The following SGCD variants were observed in gnomAD, a reference collection of about 807,000 sequenced individuals.
SGCD encodes the protein sarcoglycan delta, also known as delta-sarcoglycan.
Under a neutral mutation model 36.6 loss-of-function variants are expected in SGCD, and 18 were observed. The ratio of observed to expected loss-of-function variants is 0.49; its 90% confidence interval spans 0.34 to 0.73. SGCD has a LOEUF of 0.73. SGCD is among the 30% of genes least tolerant of loss of function. The pLI is 0.01. For missense variants in SGCD, 387 were observed against 346.7 expected (o/e 1.12, Z -0.92); for synonymous variants, 133 against 130.6 (o/e 1.02, Z -0.12).
At position 156,656,109 on chromosome 5, in the gene SGCD, A is replaced by C. The variant is rs145968160; in HGVS notation, c.575+8573A>C. ...GTTATATAGACTACCCAAAGCTTGG[A>C]GGGAACCATGAAATATCAAGTCAAA... On this transcript the variant is annotated intron_variant, in intron 7 of 8. Coordinates refer to ENST00000337851, the MANE Select transcript of SGCD (RefSeq NM_000337.6). Among the ~76,000 whole-genome samples the C allele has an allele frequency of 1.8e-3, 280 of 152,278 alleles. 2 individuals carry two copies. The highest frequency in any genetic ancestry group is 6.2e-3 in the African/African-American group (259 of 41,578).
Position 155,921,422 on chromosome 5 carries a change from T to C in SGCD, c.-282+50998T>C, listed in dbSNP as rs186218888. Among the ~76,000 whole-genome samples, 11 of 152,148 alleles carry C rather than the reference T, an allele frequency of 7.2e-5. 1 individual carries two copies. The East Asian group carries it at 2.1e-3, about 29-fold the overall frequency. Reference sequence around the variant, plus strand: ...AGATGGGGGTACGGTAGAGAAAGTATATAGGATGGAAGATGTTTTGCCTTG... The same window carrying C: ...AGATGGGGGTACGGTAGAGAAAGTACATAGGATGGAAGATGTTTTGCCTTG... On this transcript the variant is annotated intron_variant, in intron 1 of 9. Coordinates refer to the SGCD transcript ENST00000517913.
chr5:155,929,911 T>C (rs1292020748), intron 1 of SGCD, among the ~76,000 whole-genome samples: 1 of 152,174 alleles, frequency 6.6e-6, no homozygotes, highest in Non-Finnish European at 1.5e-5. Context: ...TCTTCAGAAA[T>C]TCATTCTCTC....
At chr5:156,262,604 T>C (rs2127665799) in intron 3 of SGCD, among the ~76,000 whole-genome samples, 1 of 152,234 alleles carries the variant, frequency 6.6e-6, no homozygotes, top group East Asian at 1.9e-4. Context: ...AGTTCTTTAG[T>C]GGTGATTTGT....
chr5:156,192,995 C>T (rs980940343), intron 3 of SGCD, among the ~76,000 whole-genome samples: 4 of 151,032 alleles, frequency 2.6e-5, no homozygotes, highest in African/African-American at 4.9e-5. Context: ...TCATGGACAC[C>T]GAAATTTTAA....
the SGCD span, among the ~76,000 whole-genome samples, chr5:155,793,761 C>G: frequency 1.3e-5 from 2 of 151,776 alleles, no homozygotes; most frequent in Non-Finnish European, 2.9e-5. Context: ...GTTAGCCAGG[C>G]TGGTCTCAAA....
the SGCD span, among the ~76,000 whole-genome samples, chr5:155,756,584 G>A: frequency 6.6e-6 from 1 of 152,164 alleles, no homozygotes; most frequent in Non-Finnish European, 1.5e-5. Context: ...TATTTACAAA[G>A]TGTTCAGTAC....
At chr5:155,777,352 GT>G in the SGCD span, among the ~76,000 whole-genome samples, 3 of 105,578 alleles carry the variant, frequency 2.8e-5, no homozygotes, top group African/African-American at 7.1e-5. Context: ...GAAATTTGTA[GT>G]TTTTTTGTTT....
At chr5:156,643,772 A>G (rs187031806) in intron 6 of SGCD, among the ~76,000 whole-genome samples, 1 of 152,296 alleles carries the variant, frequency 6.6e-6, no homozygotes, top group East Asian at 1.9e-4. Context: ...TAATATGGGT[A>G]TAAAACTATA....
intron 1 of SGCD, among the ~76,000 whole-genome samples, chr5:155,986,072 G>A (rs1307635770): frequency 1.3e-5 from 2 of 152,080 alleles, no homozygotes; most frequent in Non-Finnish European, 2.9e-5. Flanking sequence ...GTTACCTTTT[G>A]TTCTATTAAT....
At chr5:155,828,461 G>A in the SGCD span, among the ~76,000 whole-genome samples, 2 of 152,054 alleles carry the variant, frequency 1.3e-5, no homozygotes, top group Non-Finnish European at 2.9e-5. Context: ...ATAAACCAAC[G>A]CAATGATTCT....
chr5:156,333,913 C>G lies in SGCD; in HGVS notation c.3+4334C>G, dbSNP rs1036687496. On this transcript the variant is annotated intron_variant, in intron 2 of 8. Transcript: ENST00000337851. ...GAGTTCAAGCGGAAAAGACAGAAACCTAGAATTTATGGGAAACATACTGGT... is the reference window on the plus strand; with the variant it reads ...GAGTTCAAGCGGAAAAGACAGAAACGTAGAATTTATGGGAAACATACTGGT... Among the ~76,000 whole-genome samples the G allele has an allele frequency of 2.1e-5, 3 of 140,980 alleles. No homozygotes were observed. The Admixed American group carries it at 2.3e-4, about 11-fold the overall frequency. The allele number at this position is 140,980 out of a possible 152,430, so 92.5% of individuals were successfully genotyped here. A position where few individuals can be genotyped will look rare whatever the true frequency, so the allele number is the denominator to read the frequency against.
the SGCD span, among the ~76,000 whole-genome samples, chr5:155,728,135 G>C: frequency 6.6e-6 from 1 of 152,150 alleles, no homozygotes; most frequent in African/African-American, 2.4e-5. Flanking sequence ...CCTCTCGGCG[G>C]CTTCCCCTCT....
the SGCD span, among the ~76,000 whole-genome samples, chr5:155,835,885 C>T: frequency 6.6e-6 from 1 of 152,182 alleles, no homozygotes; most frequent in African/African-American, 2.4e-5. Flanking sequence ...CCGTTCCCTT[C>T]CATCTTGCTC....
chr5:156,006,806 G>T (rs1006727405), intron 1 of SGCD, among the ~76,000 whole-genome samples: 22 of 152,142 alleles, frequency 1.4e-4, no homozygotes, highest in African/African-American at 5.1e-4. Context: ...TCAAATGTGA[G>T]CAGTCTAATC....
chr5:156,040,578 A>G (rs895246772), intron 1 of SGCD, among the ~76,000 whole-genome samples: 1 of 152,276 alleles, frequency 6.6e-6, no homozygotes, highest in African/African-American at 2.4e-5. Context: ...TTGTTGAATT[A>G]AAATCGGTGA....
At chr5:156,231,810 C>T (rs1162970570) in intron 3 of SGCD, among the ~76,000 whole-genome samples, 1 of 152,162 alleles carries the variant, frequency 6.6e-6, no homozygotes, top group East Asian at 1.9e-4. Context: ...ATAGATCTGC[C>T]ACTCAGGAGA....
chr5:156,285,743 C>G (rs915494135), intron 3 of SGCD, among the ~76,000 whole-genome samples: 1 of 152,102 alleles, frequency 6.6e-6, no homozygotes, highest in Non-Finnish European at 1.5e-5. Context: ...CTAGGCAATA[C>G]CATTCAGGAC....
chr5:156,359,410 A>G (rs1353986152), intron 3 of SGCD, among the ~76,000 whole-genome samples: 1 of 152,192 alleles, frequency 6.6e-6, no homozygotes, highest in Non-Finnish European at 1.5e-5. Context: ...CTTAACATAG[A>G]ACATATTATC....
At position 156,624,145 on chromosome 5, in the gene SGCD, G is replaced by T. The variant is rs542426378; in HGVS notation, c.503-23319G>T. Among the ~76,000 whole-genome samples the T allele has an allele frequency of 5.8e-4, 89 of 152,282 alleles. 3 individuals are homozygous for T. The South Asian group carries it at 0.018, about 30-fold the overall frequency. ...CCCAGAGAATTAATTGCAGACACAG[G>T]AATTTCAAGGAGAGGCCTCCACTGA... is the stretch of plus-strand genomic sequence containing the variant. On this transcript the variant is annotated intron_variant, in intron 6 of 8. Coordinates refer to ENST00000337851, the MANE Select transcript of SGCD (RefSeq NM_000337.6).
Sources: gnomAD v4.1 joint callset for allele counts (sites outside exome capture counted in the v4.1 genomes callset) on GRCh38, gnomAD v4.1.1 for gene constraint, MANE v1.5 for transcripts, NCBI Gene and HGNC (gene_info 2026-07-23, HGNC 2026-07-21) for gene names.